The following PCDH7 variants were observed in gnomAD, a reference collection of about 807,000 sequenced individuals.
The protein encoded by PCDH7 is protocadherin 7, also known as protocadherin-7.
In PCDH7, 17 loss-of-function variants were observed where a neutral mutation model predicts 58.9. The ratio of observed to expected loss-of-function variants is 0.29; its 90% CI spans 0.20 to 0.43. PCDH7 has a LOEUF of 0.43. Ranked by LOEUF, PCDH7 falls within the 20% of genes least tolerant of loss-of-function variation. The pLI, the probability that PCDH7 is intolerant of heterozygous loss-of-function variation, is 1.00. For synonymous variants in PCDH7, 664 were observed against 616.4 expected (o/e 1.08, Z -1.14); for missense variants, 1,274 against 1,441.0 (o/e 0.88, Z 1.88).
intron 3 of PCDH7, among the ~76,000 whole-genome samples, chr4:30,950,918 A>G (rs934553111): frequency 2.6e-5 from 4 of 152,198 alleles, no homozygotes; most frequent in African/African-American, 9.6e-5. Flanking sequence ...CAGCAGAGTC[A>G]TAACCTATAA....
intron 1 of PCDH7, among the ~76,000 whole-genome samples, chr4:30,906,771 C>A (rs1740984513): frequency 6.6e-6 from 1 of 152,008 alleles, no homozygotes; most frequent in Non-Finnish European, 1.5e-5. Context: ...ACCTGTAATC[C>A]CAGCAGTTAG....
At chr4:30,809,988 C>T (rs1726770242) in intron 1 of PCDH7, among the ~76,000 whole-genome samples, 1 of 152,164 alleles carries the variant, frequency 6.6e-6, no homozygotes, top group Non-Finnish European at 1.5e-5. Context: ...GTGCAGCTAA[C>T]TCAGTGTGGC....
chr4:30,848,699 G>A (rs899162306), intron 1 of PCDH7, among the ~76,000 whole-genome samples: 1 of 152,024 alleles, frequency 6.6e-6, no homozygotes, highest in Non-Finnish European at 1.5e-5. Context: ...ATTTAAGACA[G>A]CATAGTTAAG....
intron 1 of PCDH7, among the ~76,000 whole-genome samples, chr4:30,887,262 C>A (rs1296862328): frequency 6.6e-6 from 1 of 151,934 alleles, no homozygotes; most frequent in East Asian, 1.9e-4. Flanking sequence ...TTGAAATAAC[C>A]ATTGTTTCTT....
chr4:30,910,940 A>AC (rs1741654534), intron 1 of PCDH7, among the ~76,000 whole-genome samples: 1 of 152,216 alleles, frequency 6.6e-6, no homozygotes, highest in Non-Finnish European at 1.5e-5. Flanking sequence ...TGGATAAAGA[A>AC]ACTGTGGCAC....
chr4:30,862,634 G>T (rs905661847), intron 1 of PCDH7, among the ~76,000 whole-genome samples: 1 of 152,068 alleles, frequency 6.6e-6, no homozygotes. Context: ...AGGGTTTGTC[G>T]CCTATGCTGT....
At chr4:30,966,373 T>C (rs1748994163) in intron 3 of PCDH7, among the ~76,000 whole-genome samples, 1 of 152,190 alleles carries the variant, frequency 6.6e-6, no homozygotes, top group Non-Finnish European at 1.5e-5. Flanking sequence ...ATATATTCTT[T>C]TGATTTTTCT....
chr4:31,091,009 A>G (rs1199914570), intron 3 of PCDH7, among the ~76,000 whole-genome samples: 2 of 152,054 alleles, frequency 1.3e-5, no homozygotes, highest in Non-Finnish European at 2.9e-5. Context: ...TCTCAATATA[A>G]TGAGTATTTT....
intron 1 of PCDH7, among the ~76,000 whole-genome samples, chr4:30,848,319 GA>G (rs1732255741): frequency 6.6e-6 from 1 of 151,894 alleles, no homozygotes; most frequent in Non-Finnish European, 1.5e-5. Context: ...AATTCAGTAG[GA>G]AAACAAAAAT....
intron 1 of PCDH7, among the ~76,000 whole-genome samples, chr4:30,849,489 A>G (rs1250049177): frequency 1.6e-5 from 2 of 125,254 alleles, no homozygotes; most frequent in African/African-American, 8.9e-5. Context: ...GATGTTAAAT[A>G]TAAAAAACAT....
At chr4:31,097,411 G>T (rs992870442) in intron 3 of PCDH7, among the ~76,000 whole-genome samples, 3 of 149,790 alleles carry the variant, frequency 2.0e-5, no homozygotes, top group Non-Finnish European at 4.4e-5. Context: ...CTGAGATCAC[G>T]CCACTCCACT....
In PCDH7 at chr4:30,964,713, G is replaced by A. The variant is rs528154646; in HGVS notation, c.*7+14498G>A. Among the ~76,000 whole-genome samples the A allele has an allele frequency of 2.0e-5, 3 of 151,556 alleles. No homozygotes were observed. In the East Asian group the frequency reaches 5.8e-4, roughly 29 times the overall value. ...CAGAAGTAGAAGTACTAGAAGTACT[G>A]GCACGTAATAGATGGAAATGAAATT... On this transcript the variant is annotated intron_variant, in intron 3 of 3. Transcript: ENST00000509759.
At chr4:31,000,728 A>T (rs781360680) in intron 3 of PCDH7, among the ~76,000 whole-genome samples, 10 of 152,004 alleles carry the variant, frequency 6.6e-5, no homozygotes, top group Non-Finnish European at 1.3e-4. Context: ...AAGAAAAGAG[A>T]AGAAAAGGAC....
intron 3 of PCDH7, among the ~76,000 whole-genome samples, chr4:31,071,583 G>A (rs1471444051): frequency 6.6e-6 from 1 of 151,950 alleles, no homozygotes; most frequent in Non-Finnish European, 1.5e-5. Context: ...GTTTGCTTTT[G>A]ATGTTTGGCA....
At chr4:30,914,125 C>G (rs1019467845) in intron 1 of PCDH7, among the ~76,000 whole-genome samples, 1 of 152,000 alleles carries the variant, frequency 6.6e-6, no homozygotes, top group Admixed American at 6.6e-5. Context: ...CTCGTGTGGC[C>G]TCTAGATTTC....
At chr4:30,960,320 G>C (rs1748295270) in intron 3 of PCDH7, among the ~76,000 whole-genome samples, 1 of 152,096 alleles carries the variant, frequency 6.6e-6, no homozygotes, top group Non-Finnish European at 1.5e-5. Context: ...ATGCTTTTGG[G>C]AATGAATTCG....
At chr4:31,041,697 C>G (rs2109205177) in intron 3 of PCDH7, among the ~76,000 whole-genome samples, 1 of 152,148 alleles carries the variant, frequency 6.6e-6, no homozygotes, top group Middle Eastern at 3.4e-3. Context: ...GGCAATTTCC[C>G]CTCAAACAGG....
At chr4:30,967,017 G>A (rs1388004775) in intron 3 of PCDH7, among the ~76,000 whole-genome samples, 2 of 152,024 alleles carry the variant, frequency 1.3e-5, no homozygotes, top group Non-Finnish European at 2.9e-5. Context: ...ATCTTAGCTA[G>A]TTTTAAATTT....
chr4:30,868,581 G>C (rs1276157028), intron 1 of PCDH7, among the ~76,000 whole-genome samples: 1 of 150,978 alleles, frequency 6.6e-6, no homozygotes, highest in South Asian at 2.1e-4. Context: ...TTTCTACTTT[G>C]TATGATTTAA....
Sources: gnomAD v4.1 joint callset for allele counts (sites outside exome capture counted in the v4.1 genomes callset) on GRCh38, gnomAD v4.1.1 for gene constraint, MANE v1.5 for transcripts, NCBI Gene and HGNC (gene_info 2026-07-23, HGNC 2026-07-21) for gene names.